Variants in WNK4 observed in about 807,000 individuals in gnomAD.
WNK4 encodes the protein serine/threonine-protein kinase WNK4.
Under a neutral mutation model 116.2 loss-of-function variants are expected in WNK4, and 94 were observed. The observed-to-expected ratio is 0.81, with a 90% CI of 0.68 to 0.96. The LOEUF (loss-of-function observed/expected upper bound fraction) is 0.96. Ranked by LOEUF, WNK4 falls within the 40% of genes least tolerant of loss-of-function variation. WNK4 has a pLI of 0.00. For synonymous variants in WNK4, 655 were observed against 672.7 expected (o/e 0.97, Z 0.41); for missense variants, 1,542 against 1,650.6 (o/e 0.93, Z 1.14).
chr17:42,789,711 G>A (rs191889400), intron 11 of WNK4, among the ~76,000 whole-genome samples: 5 of 143,184 alleles, frequency 3.5e-5, no homozygotes, highest in Admixed American at 2.7e-4. Flanking sequence ...TAAATAAATA[G>A]AGAGGCAGAG....
intron 11 of WNK4, among the ~76,000 whole-genome samples, chr17:42,789,792 G>T (rs1003454054): frequency 1.3e-5 from 2 of 152,068 alleles, no homozygotes; most frequent in Admixed American, 6.6e-5. Flanking sequence ...GATTGCTTGA[G>T]CCCAGGGGTT....
Position 42,796,263 on chromosome 17 carries a change from A to C in WNK4, c.3572A>C (p.Lys1191Thr). ...TCCAGCCGCCAGCGCCGCCTCTCCA[A>C]GGGCAGCTTCCCCACCTCCCGCCGC... Reference protein sequence around the residue: ...MLSSRQRRLSKGSFPTSRRNS... With the variant: ...MLSSRQRRLSTGSFPTSRRNS... The change falls in exon 17 of 19, where the codon AAG becomes ACG. Residue 1191 changes from lysine to threonine, a missense_variant. Transcript: ENST00000246914. 1 of 1,610,828 alleles carries C rather than the reference A, an allele frequency of 6.2e-7. No individual in the cohort carries two copies. Among genetic ancestry groups the C allele is most frequent in the Non-Finnish European group, 8.5e-7 (1 of 1,178,866 alleles).
Position 42,795,339 on chromosome 17 carries a change from G to C in WNK4, c.2918G>C (p.Gly973Ala), listed in dbSNP as rs761512538. ...CTTCCCCCTCCCGTTGCTCCTGGTG[G>C]CCAGGAAAGCCCTTCACCCCACACA... ...LPLPPPVAPG[G>A]QESPSPHTAE... Residue 973 changes from glycine (G) to alanine (A), a missense_variant, in exon 14 of 19, where the codon GGC becomes GCC. Physicochemically the swap from Gly to Ala is moderately conservative, Grantham distance 60. This residue lies in a region of WNK4 where 292 missense variants were observed against 290.1 expected (regional missense o/e 1.01). Coordinates refer to ENST00000246914, the MANE Select transcript of WNK4 (RefSeq NM_032387.5). The C allele has an allele frequency of 6.2e-7, 1 of 1,613,858 alleles. No homozygotes were observed. Among genetic ancestry groups the C allele is most frequent in the Non-Finnish European group, 8.5e-7 (1 of 1,180,012 alleles).
chr17:42,795,316 T>C lies in WNK4; in HGVS notation c.2895T>C (p.Leu965=). The C allele has an allele frequency of 1.2e-6, 2 of 1,613,472 alleles. No individual in the cohort carries two copies. Among genetic ancestry groups the C allele is most frequent in the Middle Eastern group, 1.6e-4 (1 of 6,062 alleles). The change falls in exon 14 of 19, where the codon CTT becomes CTC. Residue 965 remains leucine (L), a synonymous_variant. Transcript: ENST00000246914. ...APPSPLPSLP[L]PPPVAPGGQE... ...CTAGTCCCCTCCCTAGCCTGCCCCT[T>C]CCCCCTCCCGTTGCTCCTGGTGGCC...
rs2054491945 is a variant in WNK4, at chr17:42,782,238, G to C, written c.619-520G>C. Among the ~76,000 whole-genome samples the C allele has an allele frequency of 1.3e-5, 2 of 152,162 alleles. No individual in the cohort carries two copies. The highest frequency in any genetic ancestry group is 2.4e-5 in the African/African-American group (1 of 41,428). On this transcript the variant is annotated intron_variant, in intron 1 of 18. Transcript: ENST00000246914. The surrounding 1 kb of genome is among the most constrained non-coding windows in gnomAD (Gnocchi z 4.2). ...AGAGGAGCCGGGGCGGGACGACTAT[G>C]GGGGTGGGCAGCCTCCTGGCGCCTA...
At position 42,787,408 on chromosome 17, in the gene WNK4, A is replaced by T. The variant is rs2054561241; in HGVS notation, c.1607A>T (p.Glu536Val). Reference protein sequence around the residue: ...KARELEALPPEPGPPPATVPM... With the variant: ...KARELEALPPVPGPPPATVPM... ...AGGGAATTGGAGGCACTCCCACCAGAGCCAGGACCTCCACCAGCAACTGTG... is the reference window on the plus strand; with the variant it reads ...AGGGAATTGGAGGCACTCCCACCAGTGCCAGGACCTCCACCAGCAACTGTG... The change falls in exon 7 of 19, where the codon GAG becomes GTG. Residue 536 changes from glutamate (E) to valine (V), a missense_variant. Physicochemically the swap from Glu to Val is moderately radical, Grantham distance 121 (BLOSUM62 -2). Coordinates refer to ENST00000246914, the MANE Select transcript of WNK4 (RefSeq NM_032387.5). 6.2e-7 allele frequency: 1 copy of T among 1,614,032 alleles called. No individual in the cohort carries two copies. The highest frequency in any genetic ancestry group is 1.7e-5 in the Admixed American group (1 of 60,000).
rs753709717 is a variant in WNK4 at position 42,796,514 on chromosome 17, G to T, written c.3665G>T (p.Ser1222Ile). Residue 1222 changes from serine (S) to isoleucine (I), a missense_variant, in exon 18 of 19, where the codon AGC becomes ATC. Coordinates refer to ENST00000246914, the MANE Select transcript of WNK4 (RefSeq NM_032387.5). ...IMRRNSLSGS[S>I]TGSQEQRASK... is the part of the protein sequence containing the mutation. ...CGAAGGAACTCTCTGAGTGGCAGCA[G>T]CACCGGCTCCCAGGAGCAGCGGGCA... is the stretch of plus-strand genomic sequence containing the variant. The T allele has an allele frequency of 7.4e-6, 12 of 1,614,046 alleles. No homozygotes were observed. In the South Asian group the frequency reaches 1.3e-4, roughly 18 times the overall value.
Position 42,782,376 on chromosome 17 carries a change from T to C in WNK4, c.619-382T>C, listed in dbSNP as rs1422522219. 6.6e-6 allele frequency among the ~76,000 whole-genome samples: 1 copy of C among 152,214 alleles called. No homozygotes were observed. The highest frequency in any genetic ancestry group is 2.4e-5 in the African/African-American group (1 of 41,460). On this transcript the variant is annotated intron_variant, in intron 1 of 18. Coordinates refer to ENST00000246914, the MANE Select transcript of WNK4 (RefSeq NM_032387.5). This position sits in a 1 kb window ranked among gnomAD's most constrained non-coding sequence, Gnocchi z 4.2. ...AACCCCCTTGCCGGCCCCAATTCCC[T>C]GCCCGCAGTATCCTGCTGCCCGCCT...
Position 42,794,852 on chromosome 17 carries a change from T to A in WNK4, c.2431T>A (p.Leu811Met), listed in dbSNP as rs750940648. The A allele has an allele frequency of 2.5e-6, 4 of 1,613,858 alleles. No individual in the cohort carries two copies. The South Asian group carries it at 3.3e-5, about 13-fold the overall frequency. Residue 811 changes from leucine to methionine, a missense_variant, in exon 14 of 19, where the codon TTG (leucine) becomes ATG (methionine). Leu to Met is a conservative substitution (Grantham distance 15). Around this residue, in one of 7 missense-constraint regions of WNK4, gnomAD observed 808 missense variants for 873.6 expected, o/e 0.92. Coordinates refer to ENST00000246914, the MANE Select transcript of WNK4 (RefSeq NM_032387.5). ...STSSSSPGTP[L>M]SPGNPFSPGT... ...CTCCTCATCTTCTCCTGGAACTCCT[T>A]TGTCTCCTGGAAACCCATTTTCCCC...
Position 42,795,103 on chromosome 17 carries a change from C to A in WNK4, c.2682C>A (p.Pro894=), listed in dbSNP as rs1420696787. ...LPTTSPPTFS[P]TCSQVTLSSP... is the part of the protein sequence containing the mutation. ...CGACTTCTCCACCTACGTTCTCTCC[C>A]ACTTGTTCTCAGGTCACTCTTAGTT... Residue 894 remains proline, a synonymous_variant, in exon 14 of 19, where the codon CCC becomes CCA. Transcript: ENST00000246914. 1 of 1,614,118 alleles carries A rather than the reference C, an allele frequency of 6.2e-7. No individual in the cohort carries two copies. The highest frequency in any genetic ancestry group is 1.7e-5 in the Admixed American group (1 of 60,006).
Position 42,787,325 on chromosome 17 carries a change from T to C in WNK4, c.1524T>C (p.Arg508=), listed in dbSNP as rs55879206. 1,250 of 1,614,118 alleles carry C rather than the reference T, an allele frequency of 7.7e-4. 7 individuals carry two copies. The highest frequency in any genetic ancestry group is 6.4e-3 in the Middle Eastern group (39 of 6,062). The change falls in exon 7 of 19, where the codon CGT becomes CGC. Residue 508 remains arginine (R), a synonymous_variant. Transcript: ENST00000246914. ...AAGCCGATTACCAGCCAGTGGCCCGTGCAGTACGTGAACGGGTTGCTGCCA... is the reference window on the plus strand; with the variant it reads ...AAGCCGATTACCAGCCAGTGGCCCGCGCAGTACGTGAACGGGTTGCTGCCA... The part of the protein sequence containing the change: ...VCEADYQPVA[R]AVRERVAAIQ...
At position 42,787,881 on chromosome 17, in the gene WNK4, C is replaced by T; in HGVS notation, c.1845C>T (p.Ser615=). ...GGGTGCCATCCAGCCTGGCTGAGTC[C>T]CATCTCTGCCTGCCCTCGGTGAGAG... is the stretch of plus-strand genomic sequence containing the variant. ...PGGVPSSLAE[S]HLCLPSAFAL... The change falls in exon 8 of 19, where the codon TCC becomes TCT. Residue 615 remains serine, a synonymous_variant. Transcript: ENST00000246914. The T allele has an allele frequency of 6.2e-7, 1 of 1,610,802 alleles. No individual in the cohort carries two copies. Among genetic ancestry groups the T allele is most frequent in the Non-Finnish European group, 8.5e-7 (1 of 1,180,000 alleles).
chr17:42,789,197 C>G (rs970584966), intron 11 of WNK4, among the ~76,000 whole-genome samples: 3 of 151,998 alleles, frequency 2.0e-5, no homozygotes, highest in South Asian at 2.1e-4. Flanking sequence ...TGTGCAGGGA[C>G]AGCATAAGCA....
intron 6 of WNK4, among the ~76,000 whole-genome samples, chr17:42,786,728 A>G (rs2054553365): frequency 6.6e-6 from 1 of 152,140 alleles, no homozygotes; most frequent in African/African-American, 2.4e-5. Context: ...TGACAGTTGC[A>G]AGGGTGGAGA....
rs2054497935 is a variant in WNK4, at chr17:42,782,693, A to G, written c.619-65A>G. ...TCACCTCTTCCCCCAACCCCACTCC[A>G]GGTGTCCCTCTTCCTTTCTGTGGGT... On this transcript the variant is annotated intron_variant, in intron 1 of 18. Transcript: ENST00000246914. The surrounding 1 kb of genome is among the most constrained non-coding windows in gnomAD (Gnocchi z 4.2). 6.3e-7 allele frequency: 1 copy of G among 1,594,134 alleles called. No individual in the cohort carries two copies. The highest frequency in any genetic ancestry group is 8.6e-7 in the Non-Finnish European group (1 of 1,167,406).
At position 42,796,287 on chromosome 17, in the gene WNK4, G is replaced by GC; in HGVS notation, c.3597dup (p.Asn1200GlnfsTer7). The GC allele has an allele frequency of 3.1e-6, 5 of 1,612,066 alleles. No homozygotes were observed. The highest frequency in any genetic ancestry group is 1.1e-5 in the South Asian group (1 of 90,910). ...AAGGGCAGCTTCCCCACCTCCCGCC[G>GC]CAACAGCCTACAGCGCTCTGAGCCC... is the stretch of plus-strand genomic sequence containing the variant. On this transcript the variant is annotated frameshift_variant, in exon 17 of 19. Transcript: ENST00000246914. LOFTEE classifies it high-confidence loss of function.
intron 17 of WNK4, 57 bp downstream of exon 17, chr17:42,796,379 G>C: frequency 6.2e-7 from 1 of 1,611,746 alleles, no homozygotes; most frequent in South Asian, 1.1e-5. Context: ...TCTGTCGACT[G>C]TTTTTCTCCA....
In WNK4 at chr17:42,795,626, G is replaced by A; in HGVS notation, c.3024G>A (p.Glu1008=). The A allele has an allele frequency of 1.2e-6, 2 of 1,613,912 alleles. No homozygotes were observed. The highest frequency in any genetic ancestry group is 1.6e-4 in the Middle Eastern group (1 of 6,062). Residue 1008 remains glutamate, a splice_region_variant and synonymous_variant, in exon 16 of 19, where the codon GAG becomes GAA. Transcript: ENST00000246914. The part of the protein sequence containing the change: ...GEARLAPISE[E]GKPQLVGRFQ... Reference sequence around the variant, plus strand: ...GCCTTCTTCCTCGTCGCCCTACAGAGGGAAAGCCGCAGCTTGTTGGGCGTT... The same window carrying A: ...GCCTTCTTCCTCGTCGCCCTACAGAAGGAAAGCCGCAGCTTGTTGGGCGTT...
In WNK4 at chr17:42,780,622, A is replaced by C. The variant is rs1364654352; in HGVS notation, c.-77A>C. The C allele has an allele frequency of 2.5e-6, 4 of 1,573,520 alleles. No individual in the cohort carries two copies. The highest frequency in any genetic ancestry group is 4.6e-5 in the East Asian group (2 of 43,720). ...CAGCCGCTCAGCCGGAGCGCAGCGC[A>C]CCCAGCGAGTCCGTCTGTCAGGCCG... On this transcript the variant is annotated 5_prime_UTR_variant, in exon 1 of 19. Transcript: ENST00000246914.
Sources: gnomAD v4.1 joint callset for allele counts (sites outside exome capture counted in the v4.1 genomes callset) on GRCh38, gnomAD v4.1.1 for gene constraint, gnomAD v4.1.1 regional missense constraint, Gnocchi (gnomAD v3.1) non-coding constraint, MANE v1.5 for transcripts, NCBI Gene and HGNC (gene_info 2026-07-23, HGNC 2026-07-21) for gene names.